Variants in STK10 observed in about 807,000 individuals in gnomAD.
STK10 encodes the protein serine/threonine kinase 10, also known as serine/threonine-protein kinase 10.
A neutral mutation model predicts 113.8 loss-of-function variants in STK10; 78 were observed. The ratio of observed to expected loss-of-function variants is 0.69; its 90% confidence interval spans 0.57 to 0.83. STK10 has a LOEUF of 0.83. STK10 is among the 40% of genes least tolerant of loss of function. The pLI is 0.00. For synonymous variants in STK10, 465 were observed against 494.7 expected, an observed-to-expected ratio of 0.94 and a Z score of 0.80; for missense variants, 1,109 against 1,280.1, an observed-to-expected ratio of 0.87 and a Z score of 2.04.
At chr5:172,117,076 C>A (rs1414611315) in intron 4 of STK10, among the ~76,000 whole-genome samples, 1 of 151,790 alleles carries the variant, frequency 6.6e-6, no homozygotes, top group Admixed American at 6.6e-5. Context: ...ATGAGGAGTT[C>A]GAGACCAGCT....
intron 1 of STK10, among the ~76,000 whole-genome samples, chr5:172,164,913 T>G (rs1171858252): frequency 6.6e-6 from 1 of 152,196 alleles, no homozygotes; most frequent in Non-Finnish European, 1.5e-5. Flanking sequence ...TGGCTGGCAG[T>G]GACTAACGCC....
Position 172,156,807 on chromosome 5 carries a change from G to T in STK10, c.157-19C>A. 6.2e-7 allele frequency: 1 copy of T among 1,604,338 alleles called. No homozygotes were observed. On this transcript the variant is annotated intron_variant, in intron 1 of 18. Coordinates refer to ENST00000176763, the MANE Select transcript of STK10 (RefSeq NM_005990.4). ...TCTTGGCCTGCAAAGAGGAGATACA[G>T]GAGGTCAACAAGGCATGCTCCGCAG...
chr5:172,132,898 C>T (rs1769785197), intron 2 of STK10, among the ~76,000 whole-genome samples: 1 of 152,190 alleles, frequency 6.6e-6, no homozygotes, highest in African/African-American at 2.4e-5. Context: ...GGTGCAGGCA[C>T]ACGGTGACTA....
intron 10 of STK10, among the ~76,000 whole-genome samples, chr5:172,085,004 G>A (rs1768518949): frequency 6.6e-6 from 1 of 152,138 alleles, no homozygotes; most frequent in South Asian, 2.1e-4. Flanking sequence ...CAGTACTTTG[G>A]GAGGCCGAGT....
At chr5:172,103,637 C>T (rs1410526513) in intron 7 of STK10, among the ~76,000 whole-genome samples, 3 of 152,090 alleles carry the variant, frequency 2.0e-5, no homozygotes, top group African/African-American at 7.2e-5. Flanking sequence ...GAAAATGAGG[C>T]CTTTGGGCAC....
rs370669766 is a variant in STK10 at position 172,061,977 on chromosome 5, T to TTTCTTTTC, written c.2083-710_2083-709insGAAAAGAA. On this transcript the variant is annotated intron_variant, in intron 13 of 18. Coordinates refer to ENST00000176763, the MANE Select transcript of STK10 (RefSeq NM_005990.4). ...ATACCTATTCCCATGTTACTTTTCT[T>TTTCTTTTC]TTTTCTTTTTTTTTTTTTGAGAGAG... Among the ~76,000 whole-genome samples the TTTCTTTTC allele has an allele frequency of 2.0e-3, 306 of 149,890 alleles. 1 individual carries two copies. The highest frequency in any genetic ancestry group is 7.3e-3 in the African/African-American group (289 of 39,576).
intron 7 of STK10, among the ~76,000 whole-genome samples, chr5:172,103,868 G>A (rs1390764296): frequency 6.6e-6 from 1 of 152,196 alleles, no homozygotes; most frequent in African/African-American, 2.4e-5. Flanking sequence ...CAACCACCCA[G>A]TAAGGGGACT....
intron 1 of STK10, among the ~76,000 whole-genome samples, chr5:172,167,596 T>C (rs1214409013): frequency 6.6e-6 from 1 of 152,190 alleles, no homozygotes; most frequent in Non-Finnish European, 1.5e-5. Context: ...CATCTGAGCT[T>C]GCCTTACACG....
intron 9 of STK10, among the ~76,000 whole-genome samples, chr5:172,091,478 T>G (rs531374016): frequency 1.3e-5 from 2 of 151,782 alleles, no homozygotes; most frequent in Admixed American, 1.3e-4. Context: ...GGTGTCCCCA[T>G]AACCCTCCCG....
Position 172,188,186 on chromosome 5 carries a change from C to G in STK10, c.-144G>C. On this transcript the variant is annotated 5_prime_UTR_variant, in exon 1 of 19. Transcript: ENST00000176763. This position sits in a 1 kb window ranked among gnomAD's most constrained non-coding sequence, Gnocchi z 5.6. ...GACCCGCCTTTCCCCGCAGCCCGAC[C>G]TCGGTCAAGTGTGCCCTGGGCAGCG... is the stretch of plus-strand genomic sequence containing the variant. 7.2e-7 allele frequency: 1 copy of G among 1,395,254 alleles called. No homozygotes were observed. Among genetic ancestry groups the G allele is most frequent in the Non-Finnish European group, 9.5e-7 (1 of 1,058,092 alleles). The allele number at this position is 1,395,254 out of a possible 1,614,324, so 86.4% of individuals were successfully genotyped here.
rs1227724577 is a variant in STK10, at chr5:172,055,723, C to T, written c.2391G>A (p.Val797=). ...GCCGCGCCTTTTCCTGTTGCTGCCGCACCTTCAGCTGCTCTATCATGCGCT... is the reference window on the plus strand; with the variant it reads ...GCCGCGCCTTTTCCTGTTGCTGCCGTACCTTCAGCTGCTCTATCATGCGCT... ...YNQRMIEQLK[V]RQQQEKARLP... Residue 797 remains valine, a synonymous_variant, in exon 16 of 19, where the codon GTG becomes GTA. Coordinates refer to ENST00000176763, the MANE Select transcript of STK10 (RefSeq NM_005990.4). The T allele has an allele frequency of 6.3e-7, 1 of 1,579,916 alleles. No homozygotes were observed. The highest frequency in any genetic ancestry group is 8.6e-7 in the Non-Finnish European group (1 of 1,160,016).
chr5:172,123,568 T>C (rs72841797), intron 3 of STK10, among the ~76,000 whole-genome samples: 11,878 of 152,252 alleles, frequency 0.078, 576 homozygotes, highest in Non-Finnish European at 0.11. Flanking sequence ...GAGGGGGTGC[T>C]AGCTGGCTTC....
chr5:172,166,386 G>A (rs1770572126), intron 1 of STK10, among the ~76,000 whole-genome samples: 1 of 152,164 alleles, frequency 6.6e-6, no homozygotes, highest in Non-Finnish European at 1.5e-5. Flanking sequence ...CCACCAAGAA[G>A]GAGATGAGTT....
intron 1 of STK10, among the ~76,000 whole-genome samples, chr5:172,186,390 G>T (rs1770955105): frequency 6.6e-6 from 1 of 152,198 alleles, no homozygotes; most frequent in South Asian, 2.1e-4. Flanking sequence ...TTGGGAGGCT[G>T]AAACGAGCTG....
intron 4 of STK10, chr5:172,114,876 C>T: frequency 6.6e-6 from 1 of 152,300 alleles, no homozygotes; most frequent in Non-Finnish European, 1.5e-5. Context: ...CCACCTTCGG[C>T]CTTCACTGAC....
At chr5:172,182,308 G>GAAA (rs567194724) in intron 1 of STK10, among the ~76,000 whole-genome samples, 40 of 92,140 alleles carry the variant, frequency 4.3e-4, no homozygotes, top group Admixed American at 1.5e-3. Context: ...GTCTCAGAGG[G>GAAA]AAAAAAAAAA....
At chr5:172,185,201 T>A (rs1770932140) in intron 1 of STK10, among the ~76,000 whole-genome samples, 1 of 151,702 alleles carries the variant, frequency 6.6e-6, no homozygotes, top group Admixed American at 6.6e-5. Flanking sequence ...CAGGACACAC[T>A]GCGGGGAAGG....
chr5:172,097,470 G>A (rs936958499), intron 7 of STK10, among the ~76,000 whole-genome samples: 3 of 152,238 alleles, frequency 2.0e-5, no homozygotes, highest in Non-Finnish European at 4.4e-5. Flanking sequence ...GCCAGCCTCG[G>A]GAGCCTGCTC....
chr5:172,158,087 ACACT>A (rs1469417696), intron 1 of STK10, among the ~76,000 whole-genome samples: 1 of 152,198 alleles, frequency 6.6e-6, no homozygotes, highest in Non-Finnish European at 1.5e-5. Flanking sequence ...AACTCCACAC[ACACT>A]AAGATGGCTA....
Sources: allele counts gnomAD v4.1 joint callset (sites outside exome capture counted in the v4.1 genomes callset), GRCh38; gene constraint gnomAD v4.1.1; non-coding constraint Gnocchi (gnomAD v3.1); transcripts MANE v1.5; gene names NCBI Gene and HGNC (gene_info 2026-07-23, HGNC 2026-07-21).